Variants in CCDC33 observed in about 807,000 individuals in gnomAD.
The protein encoded by CCDC33 is coiled-coil domain-containing protein 33.
Under a neutral mutation model 91.9 loss-of-function variants are expected in CCDC33, and 94 were observed. The ratio of observed to expected loss-of-function variants is 1.02; its 90% confidence interval spans 0.87 to 1.21. The LOEUF is 1.21. CCDC33 is among the 50% of genes most tolerant of loss of function. The pLI, the probability that CCDC33 is intolerant of heterozygous loss-of-function variation, is 0.00. For synonymous variants in CCDC33, 396 were observed against 374.5 expected, an observed-to-expected ratio of 1.06 and a Z score of -0.66; for missense variants, 940 against 935.5, an observed-to-expected ratio of 1.00 and a Z score of -0.06.
intron 7 of CCDC33, among the ~76,000 whole-genome samples, chr15:74,275,787 A>G (rs2076433960): frequency 6.6e-6 from 1 of 152,026 alleles, no homozygotes; most frequent in African/African-American, 2.4e-5. Flanking sequence ...CTCCTGCCTC[A>G]GCCTCCCGAG....
At position 74,244,042 on chromosome 15, in the gene CCDC33, G is replaced by A. The variant is rs370325525; in HGVS notation, c.79G>A (p.Gly27Ser). The A allele has an allele frequency of 3.3e-5, 53 of 1,598,022 alleles. No individual in the cohort carries two copies. Among genetic ancestry groups the A allele is most frequent in the African/African-American group, 6.9e-5 (5 of 72,734 alleles). The change falls in exon 2 of 19, where the codon GGT becomes AGT. Residue 27 changes from glycine to serine, a missense_variant. Coordinates refer to ENST00000398814, the MANE Select transcript of CCDC33 (RefSeq NM_025055.5). This position sits in a 1 kb window ranked among gnomAD's most constrained non-coding sequence, Gnocchi z 4.2. ...IASQSTEPEI[G>S]HLSPSKKETI... ...CTCCCAGAGCACGGAACCTGAGATC[G>A]GTCACCTGTCTCCCTCTAAGAAGGA...
chr15:74,247,932 C>T (rs925761168), intron 2 of CCDC33, among the ~76,000 whole-genome samples: 2 of 152,070 alleles, frequency 1.3e-5, no homozygotes, highest in Non-Finnish European at 2.9e-5. Flanking sequence ...CAAAAACTAG[C>T]TTGGCGTGGT....
intron 2 of CCDC33, among the ~76,000 whole-genome samples, chr15:74,254,849 G>A (rs550136266): frequency 1.5e-4 from 23 of 149,544 alleles, no homozygotes; most frequent in Non-Finnish European, 3.0e-4. Context: ...TGGGGTTCAA[G>A]CAATTCTCCT....
At chr15:74,306,676 G>C (rs2059899557) in intron 11 of CCDC33, among the ~76,000 whole-genome samples, 3 of 152,206 alleles carry the variant, frequency 2.0e-5, no homozygotes, top group South Asian at 4.1e-4. Context: ...CCTCCAGTGA[G>C]GGATGAGAAA....
chr15:74,330,850 G>T, intron 13 of CCDC33, 99 bp downstream of exon 13: 3 of 1,509,234 alleles, frequency 2.0e-6, no homozygotes. Flanking sequence ...GGCACAGAGG[G>T]AATGGAAGCA....
chr15:74,296,630 AAATAAT>A (rs1170832760), intron 11 of CCDC33, among the ~76,000 whole-genome samples: 4 of 151,996 alleles, frequency 2.6e-5, no homozygotes, highest in African/African-American at 9.7e-5. Flanking sequence ...CCATCTCAAA[AAATAAT>A]AATAATAATA....
At chr15:74,211,104 C>A (rs1324525766) in intron 2 of CCDC33, among the ~76,000 whole-genome samples, 1 of 149,266 alleles carries the variant, frequency 6.7e-6, no homozygotes, top group Non-Finnish European at 1.5e-5. Flanking sequence ...AGTGACTGAC[C>A]TAGGGGAAGT....
At chr15:74,253,522 TCTC>T (rs1372582716) in intron 2 of CCDC33, among the ~76,000 whole-genome samples, 1 of 152,054 alleles carries the variant, frequency 6.6e-6, no homozygotes, top group Non-Finnish European at 1.5e-5. Context: ...ATCCCGTTGA[TCTC>T]CTCGTTCCCC....
intron 15 of CCDC33, 101 bp from the exon 16 acceptor site, chr15:74,332,578 G>T: frequency 7.9e-7 from 1 of 1,261,818 alleles, no homozygotes; most frequent in South Asian, 1.4e-5. Context: ...GGGAGTAGAG[G>T]GGAGGGGTGG....
chr15:74,324,451 A>G (rs1169319353), intron 11 of CCDC33, among the ~76,000 whole-genome samples: 3 of 151,386 alleles, frequency 2.0e-5, no homozygotes, highest in Non-Finnish European at 4.4e-5. Context: ...CGGCGGGTTC[A>G]TCTCCATCAT....
At chr15:74,254,543 G>A (rs2075802001) in intron 2 of CCDC33, among the ~76,000 whole-genome samples, 1 of 152,138 alleles carries the variant, frequency 6.6e-6, no homozygotes, top group Non-Finnish European at 1.5e-5. Context: ...CCCAATGGCT[G>A]TGCATCCTCC....
chr15:74,230,517 G>C (rs2074937392), intron 2 of CCDC33, among the ~76,000 whole-genome samples: 2 of 152,184 alleles, frequency 1.3e-5, no homozygotes, highest in Admixed American at 1.3e-4. Flanking sequence ...GAGGGAGCTG[G>C]GCCGCCCCAA....
chr15:74,314,185 T>A (rs1423985780), intron 11 of CCDC33, among the ~76,000 whole-genome samples: 1 of 151,982 alleles, frequency 6.6e-6, no homozygotes, highest in Non-Finnish European at 1.5e-5. Context: ...GCTGGGGGGC[T>A]CCCCCGCTAC....
At chr15:74,283,846 C>T (rs1374542329) in intron 10 of CCDC33, among the ~76,000 whole-genome samples, 2 of 151,876 alleles carry the variant, frequency 1.3e-5, no homozygotes, top group African/African-American at 2.4e-5. Context: ...CTCTCAATCA[C>T]GTGTGAATAT....
chr15:74,284,754 A>G (rs1356775380), intron 10 of CCDC33, among the ~76,000 whole-genome samples: 1 of 152,258 alleles, frequency 6.6e-6, no homozygotes, highest in African/African-American at 2.4e-5. Flanking sequence ...TGGACTCCTC[A>G]TGGTAGCTGA....
At position 74,283,794 on chromosome 15, in the gene CCDC33, T is replaced by TCA. The variant is rs3223095; in HGVS notation, c.1095+1969_1095+1970dup. 7.9e-3 allele frequency among the ~76,000 whole-genome samples: 1,159 copies of TCA among 146,308 alleles called. 10 individuals carry two copies. The highest frequency in any genetic ancestry group is 0.026 in the African/African-American group (1,030 of 39,670). The stretch of plus-strand genomic sequence containing the variant: ...AAATTCAGATTCTGCAGCCAAGAAT[T>TCA]CACACACACACACACACACACACAC... On this transcript the variant is annotated intron_variant, in intron 10 of 18. Transcript: ENST00000398814.
intron 2 of CCDC33, among the ~76,000 whole-genome samples, chr15:74,245,770 C>T (rs1261613484): frequency 6.8e-6 from 1 of 147,570 alleles, no homozygotes; most frequent in East Asian, 2.0e-4. Context: ...GGACAGAGAA[C>T]GCGGGGAGGG....
Position 74,298,969 on chromosome 15 carries a change from C to T in CCDC33, c.1290+3021C>T, listed in dbSNP as rs191194041. Among the ~76,000 whole-genome samples the T allele has an allele frequency of 3.3e-5, 5 of 152,216 alleles. No homozygotes were observed. The East Asian group carries it at 9.7e-4, about 29-fold the overall frequency. On this transcript the variant is annotated intron_variant, in intron 11 of 18. Coordinates refer to ENST00000398814, the MANE Select transcript of CCDC33 (RefSeq NM_025055.5). ...CTTGTGATCTGCCCGCCTTGGCCTCCCAAAGTGCTGAGATTACAGACCTGA... is the reference window on the plus strand; with the variant it reads ...CTTGTGATCTGCCCGCCTTGGCCTCTCAAAGTGCTGAGATTACAGACCTGA...
intron 2 of CCDC33, among the ~76,000 whole-genome samples, chr15:74,220,507 C>T (rs1467232095): frequency 6.6e-6 from 1 of 152,186 alleles, no homozygotes; most frequent in African/African-American, 2.4e-5. Context: ...AAGAAGCTGT[C>T]CCCTGCTCTC....
Sources: gnomAD v4.1 joint callset for allele counts (sites outside exome capture counted in the v4.1 genomes callset) on GRCh38, gnomAD v4.1.1 for gene constraint, Gnocchi (gnomAD v3.1) non-coding constraint, MANE v1.5 for transcripts, NCBI Gene and HGNC (gene_info 2026-07-23, HGNC 2026-07-21) for gene names.